Variants in ZC3H13 observed in about 807,000 individuals in gnomAD.
ZC3H13 encodes the protein zinc finger CCCH domain-containing protein 13.
Under a neutral mutation model 204.1 loss-of-function variants are expected in ZC3H13, and 64 were observed. The ratio of observed to expected loss-of-function variants is 0.31; its 90% CI spans 0.26 to 0.39. The LOEUF (loss-of-function observed/expected upper bound fraction) is 0.39, where lower values mean the gene tolerates loss of function less well. ZC3H13 is among the 10% of genes least tolerant of loss of function. ZC3H13 has a pLI of 1.00. For synonymous variants in ZC3H13, 667 were observed against 693.7 expected (o/e 0.96, Z 0.60); for missense variants, 1,833 against 2,082.7 (o/e 0.88, Z 2.33).
At position 45,958,191 on chromosome 13, in the gene ZC3H13, T is replaced by C. The variant is rs539918919; in HGVS notation, c.4840-894A>G. On this transcript the variant is annotated intron_variant, in intron 18 of 18. Coordinates refer to ENST00000679008, the MANE Select transcript of ZC3H13 (RefSeq NM_001330564.2). ...TTTGGAGATAAACTCATTCTTCTGT[T>C]TTTTAAAAATTGAATCCCCCCTACC... Among the ~76,000 whole-genome samples the C allele has an allele frequency of 2.0e-5, 3 of 152,332 alleles. No individual in the cohort carries two copies. In the South Asian group the frequency reaches 6.2e-4, roughly 32 times the overall value.
At chr13:45,995,012 G>GA (rs750532192) in intron 8 of ZC3H13, among the ~76,000 whole-genome samples, 2,215 of 46,220 alleles carry the variant, frequency 0.048, 22 homozygotes, top group South Asian at 0.14. Flanking sequence ...AACTATCAGT[G>GA]AAAAAAAAAA....
intron 17 of ZC3H13, among the ~76,000 whole-genome samples, chr13:45,960,322 T>C (rs912794815): frequency 5.3e-5 from 8 of 152,224 alleles, no homozygotes; most frequent in Non-Finnish European, 1.0e-4. Context: ...TTAAGAATCA[T>C]TGAACTCTAA....
At chr13:46,050,254 A>T (rs1437273781) in intron 1 of ZC3H13, among the ~76,000 whole-genome samples, 2 of 152,154 alleles carry the variant, frequency 1.3e-5, no homozygotes, top group Non-Finnish European at 2.9e-5. Context: ...TGTACTCAGA[A>T]GGTTCACATT....
At chr13:46,002,622 C>T (rs2040829562) in intron 8 of ZC3H13, among the ~76,000 whole-genome samples, 1 of 152,174 alleles carries the variant, frequency 6.6e-6, no homozygotes, top group South Asian at 2.1e-4. Flanking sequence ...CATGCCACAG[C>T]AAGAAGGAAC....
chr13:46,010,287 T>C, intron 7 of ZC3H13, 61 bp downstream of exon 7: 12 of 1,452,892 alleles, frequency 8.3e-6, no homozygotes, highest in Non-Finnish European at 1.1e-5. Context: ...AACCTACTAA[T>C]TCTTTTTAGT....
At chr13:46,044,379 A>C (rs1566363098) in intron 3 of ZC3H13, among the ~76,000 whole-genome samples, 1 of 152,104 alleles carries the variant, frequency 6.6e-6, no homozygotes, top group Non-Finnish European at 1.5e-5. Flanking sequence ...CAAAAGAAAA[A>C]TAAAAGGTCT....
At chr13:46,037,669 TAA>T (rs35310900) in intron 4 of ZC3H13, among the ~76,000 whole-genome samples, 113,342 of 151,404 alleles carry the variant, frequency 0.75, 42,895 homozygotes, top group African/African-American at 0.85. Context: ...TCCACCGTAT[TAA>T]GTCTGATTCA....
chr13:45,961,098 G>C (rs1213169213), intron 17 of ZC3H13, among the ~76,000 whole-genome samples: 9 of 152,114 alleles, frequency 5.9e-5, no homozygotes. Context: ...AATCACCATA[G>C]TTGGACTAGA....
chr13:46,049,558 A>G (rs754536653), intron 1 of ZC3H13, among the ~76,000 whole-genome samples: 9 of 152,222 alleles, frequency 5.9e-5, no homozygotes, highest in African/African-American at 1.2e-4. Flanking sequence ...AACTTTAAAA[A>G]TCCCATTTAT....
intron 4 of ZC3H13, among the ~76,000 whole-genome samples, chr13:46,033,013 A>G (rs2042994745): frequency 6.6e-6 from 1 of 152,098 alleles, no homozygotes; most frequent in South Asian, 2.1e-4. Context: ...GTATTAAAAC[A>G]GCCGGATTAC....
intron 4 of ZC3H13, among the ~76,000 whole-genome samples, chr13:46,026,252 A>T (rs1280541449): frequency 5.3e-5 from 8 of 149,914 alleles, no homozygotes; most frequent in Non-Finnish European, 3.0e-5. Context: ...CATCATCTCT[A>T]AAAAGTACAA....
intron 3 of ZC3H13, 59 bp downstream of exon 3, chr13:46,044,896 G>A: frequency 8.0e-7 from 1 of 1,257,038 alleles, no homozygotes; most frequent in Non-Finnish European, 1.1e-6. Context: ...TTTTATACTA[G>A]ATAAATTACA....
At chr13:45,997,903 A>AC (rs1180078297) in intron 8 of ZC3H13, among the ~76,000 whole-genome samples, 1 of 152,066 alleles carries the variant, frequency 6.6e-6, no homozygotes, top group East Asian at 1.9e-4. Context: ...ACACACACAC[A>AC]CCCCATCACT....
chr13:46,041,374 T>C (rs1326661125), intron 4 of ZC3H13, among the ~76,000 whole-genome samples: 2 of 152,006 alleles, frequency 1.3e-5, no homozygotes, highest in African/African-American at 4.8e-5. Flanking sequence ...TATAGGCAAA[T>C]CTCTAGAGAG....
intron 11 of ZC3H13, chr13:45,976,348 T>G (rs1471966913): frequency 1.3e-6 from 1 of 753,534 alleles, no homozygotes; most frequent in Non-Finnish European, 1.6e-6. Flanking sequence ...GCAGCTATTA[T>G]GTGAGGAAAA....
intron 8 of ZC3H13, among the ~76,000 whole-genome samples, chr13:45,990,222 G>C (rs1420913660): frequency 1.3e-5 from 2 of 151,998 alleles, no homozygotes. Flanking sequence ...CCCATTCCAA[G>C]TTATGACAAT....
Position 46,036,150 on chromosome 13 carries a change from G to GAAA in ZC3H13, c.339+6011_339+6013dup, listed in dbSNP as rs5803325. The stretch of plus-strand genomic sequence containing the variant: ...GAGGGAGAGCAAGACTCCGTGTCAA[G>GAAA]AAAAAAAAAAAAAAAGAACAAGATA... On this transcript the variant is annotated intron_variant, in intron 4 of 18. Coordinates refer to ENST00000679008, the MANE Select transcript of ZC3H13 (RefSeq NM_001330564.2). 2.9e-5 allele frequency among the ~76,000 whole-genome samples: 4 copies of GAAA among 138,940 alleles called. No individual in the cohort carries two copies. The South Asian group carries it at 9.1e-4, about 32-fold the overall frequency. The allele number at this position is 138,940 out of a possible 152,430, so 91.2% of individuals were successfully genotyped here.
rs1367972408 is a variant in ZC3H13, at chr13:45,979,900, G to A, written c.1825C>T (p.Pro609Ser). ...GCTTGATCTCTGTTGTCTCTTTCAG[G>A]ATATCTATCTCTTTCAGGATAGCTA... ...RSSYPERDRY[P>S]ERDNRDQARD... Residue 609 changes from proline (P) to serine (S), a missense_variant, in exon 11 of 19, where the codon CCT (proline) becomes TCT (serine). This residue lies in a region of ZC3H13 where 1,574 missense variants were observed against 1,757.2 expected (regional missense o/e 0.90). Coordinates refer to ENST00000679008, the MANE Select transcript of ZC3H13 (RefSeq NM_001330564.2). 1.2e-6 allele frequency: 2 copies of A among 1,611,686 alleles called. No individual in the cohort carries two copies. Among genetic ancestry groups the A allele is most frequent in the Non-Finnish European group, 1.7e-6 (2 of 1,178,900 alleles).
In ZC3H13 at chr13:45,960,021, G is replaced by A. The variant is rs531841884; in HGVS notation, c.4676-375C>T. ...GGCTGGAGTGCAATGGCACGACCTC[G>A]GCTCACTGAAACCTCCACCTCCTGG... On this transcript the variant is annotated intron_variant, in intron 17 of 18. Coordinates refer to ENST00000679008, the MANE Select transcript of ZC3H13 (RefSeq NM_001330564.2). Among the ~76,000 whole-genome samples the A allele has an allele frequency of 7.9e-5, 12 of 151,954 alleles. No individual in the cohort carries two copies. The East Asian group carries it at 1.4e-3, about 17-fold the overall frequency.
Sources: allele counts gnomAD v4.1 joint callset (sites outside exome capture counted in the v4.1 genomes callset), GRCh38; gene constraint gnomAD v4.1.1; regional missense constraint gnomAD v4.1.1; transcripts MANE v1.5; gene names NCBI Gene and HGNC (gene_info 2026-07-23, HGNC 2026-07-21).